The following FKBP5 variants were observed in gnomAD, a reference collection of about 807,000 sequenced individuals.
The protein encoded by FKBP5 is FKBP prolyl isomerase 5, also known as peptidyl-prolyl cis-trans isomerase FKBP5.
In FKBP5, 23 loss-of-function variants were observed where a neutral mutation model predicts 50.5. That is an observed-to-expected ratio of 0.46 (90% confidence interval 0.33 to 0.65). FKBP5 has a LOEUF of 0.65. Among genes scored for constraint, FKBP5 ranks in the 30% least tolerant of loss-of-function variants. The pLI is 0.02. For missense variants in FKBP5, 411 were observed against 553.1 expected (o/e 0.74, Z 2.58); for synonymous variants, 176 against 190.6 (o/e 0.92, Z 0.63).
chr6:35,627,100 C>T (rs747804129), intron 3 of FKBP5, among the ~76,000 whole-genome samples: 13 of 152,174 alleles, frequency 8.5e-5, no homozygotes, highest in South Asian at 2.1e-4. Context: ...CCACCAACAG[C>T]GCATAAGGGT....
intron 1 of FKBP5, among the ~76,000 whole-genome samples, chr6:35,677,090 T>G (rs1765541964): frequency 6.6e-6 from 1 of 152,198 alleles, no homozygotes; most frequent in Admixed American, 6.5e-5. Flanking sequence ...TTGTTTTGTT[T>G]TAAGACGTGG....
intron 1 of FKBP5, among the ~76,000 whole-genome samples, chr6:35,683,639 T>C (rs2151011804): frequency 6.7e-6 from 1 of 148,752 alleles, no homozygotes; most frequent in Middle Eastern, 3.5e-3. Context: ...CTAATTTTTT[T>C]TTTTTTTTTT....
intron 2 of FKBP5, among the ~76,000 whole-genome samples, chr6:35,694,010 T>TAA (rs959382419): frequency 6.7e-6 from 1 of 150,028 alleles, no homozygotes; most frequent in African/African-American, 2.4e-5. Flanking sequence ...CTTTTTACTT[T>TAA]AAAAAAAAAA....
At position 35,704,884 on chromosome 6, in the gene FKBP5, G is replaced by A. The variant is rs1302429399; in HGVS notation, c.-20+15444C>T. On this transcript the variant is annotated intron_variant, in intron 2 of 11. Transcript: ENST00000536438. ...TGGCCGGGCGCGGTGGCTCACACCT[G>A]TAATCCCAGCACTTTGGGAGGCCGA... Among the ~76,000 whole-genome samples, 7 of 151,812 alleles carry A rather than the reference G, an allele frequency of 4.6e-5. No homozygotes were observed. In the South Asian group the frequency reaches 1.3e-3, roughly 27 times the overall value.
At chr6:35,703,387 C>T (rs765614123) in intron 2 of FKBP5, among the ~76,000 whole-genome samples, 26 of 151,964 alleles carry the variant, frequency 1.7e-4, no homozygotes, top group East Asian at 5.8e-4. Context: ...CCAGCCTGGC[C>T]AACAGAACAT....
At chr6:35,663,861 C>G (rs1003042868) in intron 1 of FKBP5, among the ~76,000 whole-genome samples, 21 of 152,338 alleles carry the variant, frequency 1.4e-4, no homozygotes, top group African/African-American at 4.8e-4. Flanking sequence ...CTGCCTGTCT[C>G]TCCTTACTAG....
At chr6:35,638,185 T>C (rs1764370548) in intron 2 of FKBP5, among the ~76,000 whole-genome samples, 1 of 152,344 alleles carries the variant, frequency 6.6e-6, no homozygotes, top group East Asian at 1.9e-4. Flanking sequence ...GTGTAATTTG[T>C]TAATTTGTAA....
intron 2 of FKBP5, among the ~76,000 whole-genome samples, chr6:35,717,136 C>T (rs1456191462): frequency 7.2e-5 from 11 of 152,190 alleles, no homozygotes; most frequent in African/African-American, 2.4e-4. Context: ...AGCTCTTGAG[C>T]TTTTTCTCAT....
chr6:35,700,741 T>G (rs977569747), intron 2 of FKBP5, among the ~76,000 whole-genome samples: 5 of 152,170 alleles, frequency 3.3e-5, no homozygotes, highest in Admixed American at 3.3e-4. Flanking sequence ...GCGGATCACC[T>G]GAGGTCAGGA....
chr6:35,683,118 A>ATGTGTGTGTG (rs1269365673), intron 1 of FKBP5, among the ~76,000 whole-genome samples: 5 of 108,850 alleles, frequency 4.6e-5, no homozygotes, highest in Non-Finnish European at 5.6e-5. Flanking sequence ...ATATATACGT[A>ATGTGTGTGTG]TATGTGTGTG....
chr6:35,584,816 T>A, intron 8 of FKBP5: 1 of 985,454 alleles, frequency 1.0e-6, no homozygotes, highest in Non-Finnish European at 1.2e-6. Flanking sequence ...ATTTTTTCCA[T>A]GTGTGTGACT....
intron 1 of FKBP5, among the ~76,000 whole-genome samples, chr6:35,657,055 CA>C (rs35090133): frequency 0.71 from 105,118 of 148,610 alleles, 36,998 homozygotes; most frequent in East Asian, 0.74. Flanking sequence ...ACTAAAAATA[CA>C]AAAAAAAAAC....
chr6:35,703,531 C>T (rs935052766), intron 2 of FKBP5, among the ~76,000 whole-genome samples: 4 of 152,068 alleles, frequency 2.6e-5, no homozygotes, highest in African/African-American at 9.7e-5. Flanking sequence ...ATCACATGTA[C>T]CCCATAAATA....
chr6:35,658,324 C>T (rs574451486), intron 1 of FKBP5, among the ~76,000 whole-genome samples: 3 of 151,278 alleles, frequency 2.0e-5, no homozygotes, highest in South Asian at 4.2e-4. Context: ...TGCAGTGAGC[C>T]GAGTTTGCGC....
intron 7 of FKBP5, among the ~76,000 whole-genome samples, chr6:35,588,133 C>A (rs575264329): frequency 6.6e-6 from 1 of 151,514 alleles, no homozygotes; most frequent in Non-Finnish European, 1.5e-5. Context: ...TCAAGTGATT[C>A]TCCTGCCTCA....
At chr6:35,694,503 G>C (rs1299162555) in intron 2 of FKBP5, among the ~76,000 whole-genome samples, 2 of 152,044 alleles carry the variant, frequency 1.3e-5, no homozygotes, top group Non-Finnish European at 2.9e-5. Flanking sequence ...GTTATGTTTT[G>C]GACATTGTAT....
intron 5 of FKBP5, among the ~76,000 whole-genome samples, chr6:35,600,883 CAGA>C (rs1243331350): frequency 6.6e-6 from 1 of 152,082 alleles, no homozygotes; most frequent in Non-Finnish European, 1.5e-5. Context: ...TGAGTAATTT[CAGA>C]AGTTCTCTTT....
At chr6:35,610,499 C>T (rs549411602) in intron 5 of FKBP5, among the ~76,000 whole-genome samples, 6 of 123,800 alleles carry the variant, frequency 4.8e-5, no homozygotes, top group South Asian at 2.7e-4. Flanking sequence ...ACCCGAGAGG[C>T]GGAGCTTGCA....
At position 35,574,200 on chromosome 6, in the gene FKBP5, G is replaced by A. The variant is rs1429199850; in HGVS notation, c.*1635C>T. 2 of 152,180 alleles carry A rather than the reference G, an allele frequency of 1.3e-5. No homozygotes were observed. The highest frequency in any genetic ancestry group is 2.9e-5 in the Non-Finnish European group (2 of 68,020). The allele number at this position is 152,180 out of a possible 1,614,324, so 9.4% of individuals were successfully genotyped here. A position where few individuals can be genotyped will look rare whatever the true frequency, so the allele number is the denominator to read the frequency against. On this transcript the variant is annotated 3_prime_UTR_variant, in exon 11 of 11. Transcript: ENST00000357266. ...AAAAACTCACAAATTGATCCCATTT[G>A]TTCCATGGGGAAGAAAAGTATTATA...
Sources: allele counts gnomAD v4.1 joint callset (sites outside exome capture counted in the v4.1 genomes callset), GRCh38; gene constraint gnomAD v4.1.1; transcripts MANE v1.5; gene names NCBI Gene and HGNC (gene_info 2026-07-23, HGNC 2026-07-21).